CDH6: variants seen among roughly 807,000 people sequenced by gnomAD.
The protein encoded by CDH6 is cadherin-6.
Under a neutral mutation model 78.0 loss-of-function variants are expected in CDH6, and 31 were observed. The ratio of observed to expected loss-of-function variants is 0.40; its 90% confidence interval spans 0.30 to 0.54. The LOEUF (loss-of-function observed/expected upper bound fraction) is 0.54, where lower values mean the gene tolerates loss of function less well. Among genes scored for constraint, CDH6 ranks in the 20% least tolerant of loss-of-function variants. The probability of loss-of-function intolerance (pLI) is 0.56; values close to 1 mark genes in which losing one functional copy is unlikely to be tolerated. For synonymous variants in CDH6, 376 were observed against 368.8 expected (o/e 1.02, Z -0.23); for missense variants, 724 against 975.9 (o/e 0.74, Z 3.44).
At position 31,296,030 on chromosome 5, in the gene CDH6, G is replaced by A. The variant is rs78984568; in HGVS notation, c.524-1259G>A. ...CCCACCTCCCTTGCCAAATTACAAC[G>A]GTGGGTGGTCTGTTTTGTGCATCAG... On this transcript the variant is annotated intron_variant, in intron 3 of 11. Transcript: ENST00000265071. Among the ~76,000 whole-genome samples the A allele has an allele frequency of 4.7e-3, 711 of 152,252 alleles. 1 individual carries two copies. Among genetic ancestry groups the A allele is most frequent in the Non-Finnish European group, 7.4e-3 (502 of 68,012 alleles).
At chr5:31,210,998 T>C (rs1192470780) in intron 1 of CDH6, among the ~76,000 whole-genome samples, 1 of 152,174 alleles carries the variant, frequency 6.6e-6, no homozygotes, top group African/African-American at 2.4e-5. Flanking sequence ...CAATGAGGGT[T>C]ACCTGCAAAA....
chr5:31,226,586 G>T (rs1741157897), intron 1 of CDH6, among the ~76,000 whole-genome samples: 1 of 152,158 alleles, frequency 6.6e-6, no homozygotes, highest in Non-Finnish European at 1.5e-5. Flanking sequence ...ACTTGGCCAT[G>T]TTCACACAGC....
intron 1 of CDH6, among the ~76,000 whole-genome samples, chr5:31,223,360 CA>C (rs1037479410): frequency 6.6e-5 from 10 of 151,908 alleles, no homozygotes; most frequent in African/African-American, 1.5e-4. Flanking sequence ...AATTTGTTGT[CA>C]AAAAAATTAA....
intron 1 of CDH6, among the ~76,000 whole-genome samples, chr5:31,234,609 A>T (rs1237155979): frequency 6.6e-6 from 1 of 152,114 alleles, no homozygotes; most frequent in African/African-American, 2.4e-5. Context: ...GAATGTCCAC[A>T]TTCCTTCCTT....
intron 1 of CDH6, among the ~76,000 whole-genome samples, chr5:31,263,429 G>GT (rs1346043160): frequency 2.0e-4 from 25 of 125,112 alleles, no homozygotes; most frequent in Middle Eastern, 4.6e-3. Context: ...GCTAATTTTT[G>GT]TTTTTTGGGG....
At chr5:31,250,155 A>G (rs1741869639) in intron 1 of CDH6, 1 of 152,276 alleles carries the variant, frequency 6.6e-6, no homozygotes, top group African/African-American at 2.4e-5. Flanking sequence ...GAACTCAGAT[A>G]TGGTTTCATA....
chr5:31,276,365 T>A (rs189230527), intron 2 of CDH6, among the ~76,000 whole-genome samples: 31 of 152,276 alleles, frequency 2.0e-4, no homozygotes, highest in Non-Finnish European at 3.5e-4. Context: ...AGGGAAAGCA[T>A]TTATAATTTC....
intron 2 of CDH6, among the ~76,000 whole-genome samples, chr5:31,280,916 A>G: frequency 6.6e-6 from 1 of 151,984 alleles, no homozygotes; most frequent in Non-Finnish European, 1.5e-5. Flanking sequence ...AAAAAAAAAA[A>G]AACTAATAAA....
chr5:31,199,685 G>GTGTGTGTATATATA (rs796740950), intron 1 of CDH6, among the ~76,000 whole-genome samples: 10 of 79,848 alleles, frequency 1.3e-4, no homozygotes, highest in African/African-American at 4.3e-4. Flanking sequence ...GTGTGTGTGT[G>GTGTGTGTATATATA]TATATATATA....
chr5:31,294,480 G>A lies in CDH6; in HGVS notation c.523+224G>A, dbSNP rs564182711. Among the ~76,000 whole-genome samples, 1 of 152,272 alleles carries A rather than the reference G, an allele frequency of 6.6e-6. No homozygotes were observed. Among genetic ancestry groups the A allele is most frequent in the Non-Finnish European group, 1.5e-5 (1 of 68,006 alleles). ...TCCTCTAAAGAGGGTCTGAAAAGTGGCAGGGTGGGAGTGGGAGGTTGAAAG... is the reference window on the plus strand; with the variant it reads ...TCCTCTAAAGAGGGTCTGAAAAGTGACAGGGTGGGAGTGGGAGGTTGAAAG... On this transcript the variant is annotated intron_variant, in intron 3 of 11. Coordinates refer to ENST00000265071, the MANE Select transcript of CDH6 (RefSeq NM_004932.4). This position sits in a 1 kb window ranked among gnomAD's most constrained non-coding sequence, Gnocchi z 4.1.
intron 7 of CDH6, among the ~76,000 whole-genome samples, chr5:31,307,904 G>T (rs1337389130): frequency 3.3e-5 from 5 of 152,126 alleles, no homozygotes; most frequent in Non-Finnish European, 5.9e-5. Flanking sequence ...TAGCTTGTCA[G>T]ATTATGTTGG....
intron 1 of CDH6, among the ~76,000 whole-genome samples, chr5:31,266,102 A>G (rs906050217): frequency 2.0e-5 from 3 of 152,132 alleles, no homozygotes; most frequent in East Asian, 1.9e-4. Flanking sequence ...TATATCAAAT[A>G]GTAAGACAAA....
chr5:31,301,317 G>A (rs893168277), intron 5 of CDH6, among the ~76,000 whole-genome samples: 24 of 152,176 alleles, frequency 1.6e-4, no homozygotes, highest in Admixed American at 1.5e-3. Flanking sequence ...TAATTGAAAA[G>A]GGTAGAATAA....
intron 4 of CDH6, among the ~76,000 whole-genome samples, chr5:31,298,300 T>C (rs1737667178): frequency 6.6e-6 from 1 of 152,212 alleles, no homozygotes; most frequent in South Asian, 2.1e-4. Flanking sequence ...AATCAAAACT[T>C]CCCTAGGTTC....
intron 1 of CDH6, among the ~76,000 whole-genome samples, chr5:31,230,401 T>G (rs72749656): frequency 3.3e-3 from 501 of 152,272 alleles, no homozygotes; most frequent in Non-Finnish European, 5.1e-3. Context: ...CTTCACTTAC[T>G]AGAAAAAGAG....
chr5:31,317,892 T>C lies in CDH6; in HGVS notation c.1850T>C (p.Val617Ala). Residue 617 changes from valine to alanine, a missense_variant, in exon 11 of 12, where the codon GTT becomes GCT. Val to Ala is a moderately conservative substitution (Grantham distance 64). Around this residue, in one of 3 missense-constraint regions of CDH6, gnomAD observed 220 missense variants for 240.6 expected, o/e 0.91. Coordinates refer to ENST00000265071, the MANE Select transcript of CDH6 (RefSeq NM_004932.4). Reference sequence around the variant, plus strand: ...ACGGGACTGAGCACGGGGGCTCTGGTTGCCATCCTTCTGTGCATCGTGATC... The same window carrying C: ...ACGGGACTGAGCACGGGGGCTCTGGCTGCCATCCTTCTGTGCATCGTGATC... ...HPTGLSTGALVAILLCIVILL... is the reference protein window; with the variant it reads ...HPTGLSTGALAAILLCIVILL... 1 of 1,613,902 alleles carries C rather than the reference T, an allele frequency of 6.2e-7. No individual in the cohort carries two copies. The highest frequency in any genetic ancestry group is 8.5e-7 in the Non-Finnish European group (1 of 1,180,018).
At chr5:31,262,517 C>T (rs773026697) in intron 1 of CDH6, among the ~76,000 whole-genome samples, 1 of 152,196 alleles carries the variant, frequency 6.6e-6, no homozygotes, top group East Asian at 1.9e-4. Flanking sequence ...CAGCCTTTTA[C>T]GTCCACTGCT....
intron 2 of CDH6, among the ~76,000 whole-genome samples, chr5:31,286,212 G>C (rs1246806400): frequency 2.0e-5 from 3 of 152,200 alleles, no homozygotes; most frequent in Non-Finnish European, 2.9e-5. Context: ...AAGTGACCTA[G>C]ACAGGTTTGG....
chr5:31,226,494 G>A (rs1741153933), intron 1 of CDH6, among the ~76,000 whole-genome samples: 1 of 152,120 alleles, frequency 6.6e-6, no homozygotes, highest in African/African-American at 2.4e-5. Flanking sequence ...TATTTCTGAT[G>A]GCATACAAGT....
Sources: allele counts gnomAD v4.1 joint callset (sites outside exome capture counted in the v4.1 genomes callset), GRCh38; gene constraint gnomAD v4.1.1; regional missense constraint gnomAD v4.1.1; non-coding constraint Gnocchi (gnomAD v3.1); transcripts MANE v1.5; gene names NCBI Gene and HGNC (gene_info 2026-07-23, HGNC 2026-07-21).